Variants in TTC23L observed in about 807,000 individuals in gnomAD.
TTC23L encodes the protein tetratricopeptide repeat protein 23-like.
TTC23L carries 42 observed loss-of-function variants against 48.1 expected under a neutral mutation model. That is an observed-to-expected ratio of 0.87 (90% CI 0.68 to 1.13). The LOEUF is 1.13. Among genes scored for constraint, TTC23L ranks in the 50% most tolerant of loss-of-function variants. The probability of loss-of-function intolerance (pLI) is 0.00; values close to 1 mark genes in which losing one functional copy is unlikely to be tolerated. For synonymous variants in TTC23L, 159 were observed against 157.2 expected (o/e 1.01, Z -0.09); for missense variants, 391 against 421.0 (o/e 0.93, Z 0.62).
At chr5:34,870,656 A>G (rs2150415845) in intron 8 of TTC23L, among the ~76,000 whole-genome samples, 1 of 152,330 alleles carries the variant, frequency 6.6e-6, no homozygotes, top group Non-Finnish European at 1.5e-5. Flanking sequence ...AAAAAAGATG[A>G]CTACAGTTCA....
At chr5:34,915,031 G>A in the TTC23L span, 1 of 832,810 alleles carries the variant, frequency 1.2e-6, no homozygotes, top group Admixed American at 2.6e-5. Context: ...TGCGCTGAGA[G>A]GTGGAAAGGG....
At chr5:34,909,816 T>G in the TTC23L span, among the ~76,000 whole-genome samples, 3 of 152,220 alleles carry the variant, frequency 2.0e-5, no homozygotes, top group African/African-American at 7.2e-5. Flanking sequence ...ATACCAGAAG[T>G]TATTTGTAGA....
At position 34,840,243 on chromosome 5, in the gene TTC23L, G is replaced by A. The variant is rs1000628192; in HGVS notation, c.-7-422G>A. Among the ~76,000 whole-genome samples the A allele has an allele frequency of 4.2e-5, 6 of 142,920 alleles. 1 individual carries two copies. The highest frequency in any genetic ancestry group is 4.7e-4 in the South Asian group (2 of 4,298). The allele number at this position is 142,920 out of a possible 152,430, so 93.8% of individuals were successfully genotyped here. ...TTAATTAGTGAAATGACCCCGGGGG[G>A]GGGGGGGAAAGCAGAATTAACCAAT... On this transcript the variant is annotated intron_variant, in intron 1 of 10. Coordinates refer to ENST00000505624, the Ensembl canonical transcript of TTC23L.
chr5:34,899,753 G>A (rs1042278318), downstream of TTC23L, among the ~76,000 whole-genome samples: 6 of 152,168 alleles, frequency 3.9e-5, no homozygotes, highest in Admixed American at 1.3e-4. Flanking sequence ...TTAGCTGGGC[G>A]TGGTGACACA....
chr5:34,846,286 G>A (rs1375759350), intron 3 of TTC23L, among the ~76,000 whole-genome samples: 4 of 151,658 alleles, frequency 2.6e-5, no homozygotes, highest in South Asian at 2.1e-4. Flanking sequence ...ATAGCTGGGC[G>A]TGGTGGCTCA....
intron 2 of TTC23L, among the ~76,000 whole-genome samples, chr5:34,843,708 A>G (rs892890080): frequency 6.6e-6 from 1 of 152,178 alleles, no homozygotes; most frequent in African/African-American, 2.4e-5. Context: ...GCTAGCTCAT[A>G]GGCAGCATGC....
rs200514187 is a variant in TTC23L, at chr5:34,855,180, A to T, written c.379+4872A>T. 1.6e-3 allele frequency among the ~76,000 whole-genome samples: 99 copies of T among 60,158 alleles called. 4 individuals are homozygous for T. The highest frequency in any genetic ancestry group is 3.2e-3 in the African/African-American group (24 of 7,572). 39.5% of individuals were successfully genotyped at this position (60,158 alleles called of 152,430 possible). A position where few individuals can be genotyped will look rare whatever the true frequency, so the allele number is the denominator to read the frequency against. ...GGAGAAGGGTACATTGGGCAGGCTA[A>T]GGTTAGGACTGGTAAGATGAACCTG... On this transcript the variant is annotated intron_variant, in intron 4 of 10. Coordinates refer to ENST00000505624, the Ensembl canonical transcript of TTC23L.
chr5:34,852,304 G>A (rs1357663380), intron 4 of TTC23L, among the ~76,000 whole-genome samples: 1 of 152,180 alleles, frequency 6.6e-6, no homozygotes, highest in African/African-American at 2.4e-5. Context: ...ACAGAATATT[G>A]TAGCTTCTCT....
the TTC23L span, chr5:34,914,795 G>A: frequency 6.2e-7 from 1 of 1,614,222 alleles, no homozygotes; most frequent in Non-Finnish European, 8.5e-7. Flanking sequence ...GAAATGAATA[G>A]CTTTCAAGAT....
intron 4 of TTC23L, among the ~76,000 whole-genome samples, chr5:34,856,173 G>A (rs1279259598): frequency 6.6e-6 from 1 of 152,166 alleles, no homozygotes; most frequent in Admixed American, 6.5e-5. Context: ...TCCAGTTTTT[G>A]ATGTATAGAT....
At chr5:34,862,479 C>G (rs1282010506) in intron 4 of TTC23L, among the ~76,000 whole-genome samples, 1 of 152,114 alleles carries the variant, frequency 6.6e-6, no homozygotes, top group Non-Finnish European at 1.5e-5. Context: ...TATTGTTGTT[C>G]AACAGTTGGA....
rs1554016515 is a variant in TTC23L at position 34,840,243 on chromosome 5, G to GGC, written c.-7-421_-7-420insCG. On this transcript the variant is annotated intron_variant, in intron 1 of 10. Coordinates refer to ENST00000505624, the Ensembl canonical transcript of TTC23L. ...TTAATTAGTGAAATGACCCCGGGGG[G>GGC]GGGGGGGAAAGCAGAATTAACCAAT... Among the ~76,000 whole-genome samples, 10 of 142,920 alleles carry GGC rather than the reference G, an allele frequency of 7.0e-5. 1 individual carries two copies. In the South Asian group the frequency reaches 1.4e-3, roughly 20 times the overall value. The allele number at this position is 142,920 out of a possible 152,430, so 93.8% of individuals were successfully genotyped here.
At chr5:34,864,249 C>T (rs962416614) in intron 5 of TTC23L, among the ~76,000 whole-genome samples, 188 bp from the exon 6 acceptor site, 1 of 152,168 alleles carries the variant, frequency 6.6e-6, no homozygotes, top group Admixed American at 6.5e-5. Flanking sequence ...AAACCCAAGC[C>T]CCTGTTCCTT....
At chr5:34,917,220 G>A in the TTC23L span, among the ~76,000 whole-genome samples, 1 of 152,156 alleles carries the variant, frequency 6.6e-6, no homozygotes, top group African/African-American at 2.4e-5. Flanking sequence ...GATTGCATTA[G>A]GCTTCATTTG....
chr5:34,910,908 A>C, the TTC23L span, among the ~76,000 whole-genome samples: 1 of 152,246 alleles, frequency 6.6e-6, no homozygotes, highest in Non-Finnish European at 1.5e-5. Flanking sequence ...TAAACTATCA[A>C]GAACAGCTTT....
intron 10 of TTC23L, among the ~76,000 whole-genome samples, chr5:34,898,255 C>T (rs1455944049): frequency 6.6e-6 from 1 of 152,054 alleles, no homozygotes; most frequent in Admixed American, 6.5e-5. Context: ...GAGATAGGGG[C>T]TGAATATTTT....
At chr5:34,914,309 TTAA>T in the TTC23L span, among the ~76,000 whole-genome samples, 101 of 152,224 alleles carry the variant, frequency 6.6e-4, no homozygotes, top group Admixed American at 1.0e-3. Flanking sequence ...GGCAAATCAC[TTAA>T]AATTGTGCCT....
the TTC23L span, chr5:34,911,679 G>A: frequency 2.5e-6 from 4 of 1,614,026 alleles, no homozygotes; most frequent in Non-Finnish European, 2.5e-6. Context: ...TGGTGCTGCA[G>A]AAATCAAAGT....
intron 8 of TTC23L, chr5:34,869,983 T>C (rs563939880): frequency 6.6e-6 from 1 of 152,250 alleles, no homozygotes; most frequent in African/African-American, 2.4e-5. Flanking sequence ...TCCATACAAC[T>C]TGAGCTTTTT....
Sources: gnomAD v4.1 joint callset for allele counts (sites outside exome capture counted in the v4.1 genomes callset) on GRCh38, gnomAD v4.1.1 for gene constraint, MANE v1.5 for transcripts, NCBI Gene and HGNC (gene_info 2026-07-23, HGNC 2026-07-21) for gene names.